The following SOCS5 variants were observed in gnomAD, a reference collection of about 807,000 sequenced individuals.
SOCS5 encodes the protein suppressor of cytokine signaling 5, also known as CIS-6.
In SOCS5, 32 loss-of-function variants were observed where a neutral mutation model predicts 42.8. That is an observed-to-expected ratio of 0.75 (90% CI 0.56 to 1.01). The LOEUF is 1.01. Among genes scored for constraint, SOCS5 ranks in the 50% least tolerant of loss-of-function variants. The pLI, the probability that SOCS5 is intolerant of heterozygous loss-of-function variation, is 0.00. For synonymous variants in SOCS5, 283 were observed against 229.6 expected, an observed-to-expected ratio of 1.23 and a Z score of -2.10; for missense variants, 627 against 653.0, an observed-to-expected ratio of 0.96 and a Z score of 0.43.
intron 1 of SOCS5, among the ~76,000 whole-genome samples, chr2:46,725,706 G>A (rs1024271262): frequency 6.6e-6 from 1 of 151,868 alleles, no homozygotes; most frequent in African/African-American, 2.4e-5. Context: ...TCATTGGATG[G>A]TTACCATTTC....
At chr2:46,746,332 C>T (rs1427467104) in intron 1 of SOCS5, among the ~76,000 whole-genome samples, 1 of 152,052 alleles carries the variant, frequency 6.6e-6, no homozygotes, top group African/African-American at 2.4e-5. Flanking sequence ...TTCTCTCCTG[C>T]CATTTGAATC....
chr2:46,706,468 C>G lies in SOCS5; in HGVS notation c.-13+7019C>G, dbSNP rs117578404. Among the ~76,000 whole-genome samples, 291 of 152,274 alleles carry G rather than the reference C, an allele frequency of 1.9e-3. 1 individual carries two copies. Among genetic ancestry groups the G allele is most frequent in the East Asian group, 0.014 (71 of 5,176 alleles). ...TTACCACAAGGATGGTATCTAAATACTTTGAGAGGATTTAGAGACATTCCT... is the reference window on the plus strand; with the variant it reads ...TTACCACAAGGATGGTATCTAAATAGTTTGAGAGGATTTAGAGACATTCCT... On this transcript the variant is annotated intron_variant, in intron 1 of 1. Coordinates refer to ENST00000394861, the MANE Select transcript of SOCS5 (RefSeq NM_144949.3).
intron 1 of SOCS5, among the ~76,000 whole-genome samples, chr2:46,712,902 CT>C (rs1306290238): frequency 1.3e-5 from 2 of 151,942 alleles, no homozygotes; most frequent in East Asian, 3.8e-4. Context: ...GTTATGCTGA[CT>C]TTTTTTATGA....
intron 1 of SOCS5, among the ~76,000 whole-genome samples, chr2:46,754,850 T>G (rs1431474128): frequency 6.6e-6 from 1 of 152,178 alleles, no homozygotes; most frequent in Non-Finnish European, 1.5e-5. Flanking sequence ...TAGATTATTT[T>G]AAGAAGCTGT....
chr2:46,738,310 G>A (rs1409777494), intron 1 of SOCS5, among the ~76,000 whole-genome samples: 1 of 152,116 alleles, frequency 6.6e-6, no homozygotes, highest in African/African-American at 2.4e-5. Flanking sequence ...ACAAAAATCT[G>A]GACAAAGTTA....
At chr2:46,740,844 A>G (rs1272147160) in intron 1 of SOCS5, among the ~76,000 whole-genome samples, 4 of 152,000 alleles carry the variant, frequency 2.6e-5, no homozygotes, top group African/African-American at 9.7e-5. Context: ...TTGTTCTTGG[A>G]CTTCTGACCT....
At chr2:46,747,140 G>A (rs1415994070) in intron 1 of SOCS5, among the ~76,000 whole-genome samples, 2 of 151,890 alleles carry the variant, frequency 1.3e-5, no homozygotes, top group Non-Finnish European at 2.9e-5. Context: ...TCTTGAGTCA[G>A]TTTTGGTAAT....
intron 1 of SOCS5, among the ~76,000 whole-genome samples, chr2:46,742,108 G>T (rs1261490991): frequency 6.6e-6 from 1 of 152,160 alleles, no homozygotes; most frequent in Non-Finnish European, 1.5e-5. Flanking sequence ...TGATAAATTT[G>T]TATCACATTT....
At chr2:46,715,704 T>G (rs1159613384) in intron 1 of SOCS5, among the ~76,000 whole-genome samples, 5 of 152,236 alleles carry the variant, frequency 3.3e-5, no homozygotes, top group Non-Finnish European at 7.3e-5. Flanking sequence ...TATAATATGT[T>G]TTTTTCCTTT....
Position 46,759,481 on chromosome 2 carries a change from T to A in SOCS5, c.951T>A (p.Ile317=), listed in dbSNP as rs1217155988. The change falls in exon 2 of 2, where the codon ATT becomes ATA. Residue 317 remains isoleucine, a synonymous_variant. Transcript: ENST00000394861. ...AAATAAGTGGGGACAGTTCTGCAAT[T>A]CCACAAGCTAATTGTGACTCGGAAG... ...MTEISGDSSA[I]PQANCDSEED... The A allele has an allele frequency of 6.2e-7, 1 of 1,613,986 alleles. No homozygotes were observed. The highest frequency in any genetic ancestry group is 8.5e-7 in the Non-Finnish European group (1 of 1,179,858).
At chr2:46,741,733 A>G (rs993665301) in intron 1 of SOCS5, among the ~76,000 whole-genome samples, 1 of 152,174 alleles carries the variant, frequency 6.6e-6, no homozygotes, top group Non-Finnish European at 1.5e-5. Context: ...ATGGTTTTTT[A>G]TGTCTATTAT....
intron 1 of SOCS5, among the ~76,000 whole-genome samples, chr2:46,717,250 C>G (rs1200348074): frequency 2.0e-5 from 3 of 152,188 alleles, no homozygotes; most frequent in African/African-American, 4.8e-5. Flanking sequence ...ACTACTGACT[C>G]TATTTGGCTT....
intron 1 of SOCS5, among the ~76,000 whole-genome samples, chr2:46,732,970 A>T (rs1202290192): frequency 6.6e-6 from 1 of 152,072 alleles, no homozygotes; most frequent in Non-Finnish European, 1.5e-5. Context: ...AATGTTTAAA[A>T]ATCGTGTGGT....
chr2:46,756,084 A>G (rs1159612492), intron 1 of SOCS5, among the ~76,000 whole-genome samples: 1 of 152,220 alleles, frequency 6.6e-6, no homozygotes, highest in Non-Finnish European at 1.5e-5. Flanking sequence ...CCTGGCAAGT[A>G]CAAATGTTTT....
intron 1 of SOCS5, among the ~76,000 whole-genome samples, chr2:46,758,310 C>T (rs997820699): frequency 6.6e-6 from 1 of 152,170 alleles, no homozygotes; most frequent in African/African-American, 2.4e-5. Context: ...TAATGACTGG[C>T]TTGAACAAGG....
chr2:46,733,755 G>C (rs755343370), intron 1 of SOCS5, among the ~76,000 whole-genome samples: 12 of 152,080 alleles, frequency 7.9e-5, no homozygotes, highest in Non-Finnish European at 1.5e-4. Context: ...TAAAAAATCA[G>C]TATTTTCCCA....
At chr2:46,705,270 G>A (rs929156507) in intron 1 of SOCS5, among the ~76,000 whole-genome samples, 2 of 152,170 alleles carry the variant, frequency 1.3e-5, no homozygotes, top group African/African-American at 4.8e-5. Flanking sequence ...AAATAATTGA[G>A]CTTGGGATTG....
intron 1 of SOCS5, among the ~76,000 whole-genome samples, chr2:46,748,639 A>G (rs1482692119): frequency 6.6e-6 from 1 of 152,198 alleles, no homozygotes; most frequent in African/African-American, 2.4e-5. Flanking sequence ...AATTTGGCAT[A>G]GGAGACAGTA....
Position 46,759,578 on chromosome 2 carries a change from C to T in SOCS5, c.1048C>T (p.His350Tyr), listed in dbSNP as rs776369051. 1.2e-5 allele frequency: 19 copies of T among 1,613,954 alleles called. No individual in the cohort carries two copies. Among genetic ancestry groups the T allele is most frequent in the Admixed American group, 3.3e-5 (2 of 60,022 alleles). Reference protein sequence around the residue: ...QRQISGDSHTHVSRQGAWKVH... With the variant: ...QRQISGDSHTYVSRQGAWKVH... ...TCAGATATCTGGAGACAGCCATACC[C>T]ATGTTAGCAGACAGGGAGCTTGGAA... The change falls in exon 2 of 2, where the codon CAT becomes TAT. Residue 350 changes from histidine (H) to tyrosine (Y), a missense_variant. His to Tyr is a moderately conservative substitution (Grantham distance 83, BLOSUM62 2). Coordinates refer to ENST00000394861, the MANE Select transcript of SOCS5 (RefSeq NM_144949.3).
Sources: gnomAD v4.1 joint callset for allele counts (sites outside exome capture counted in the v4.1 genomes callset) on GRCh38, gnomAD v4.1.1 for gene constraint, MANE v1.5 for transcripts, NCBI Gene and HGNC (gene_info 2026-07-23, HGNC 2026-07-21) for gene names.